Variants in CLIP1 observed in about 807,000 individuals in gnomAD.
CLIP1 encodes CAP-Gly domain-containing linker protein 1.
Under a neutral mutation model 161.6 loss-of-function variants are expected in CLIP1, and 66 were observed. The ratio of observed to expected loss-of-function variants is 0.41; its 90% CI spans 0.33 to 0.50. CLIP1 has a LOEUF of 0.50. Among genes scored for constraint, CLIP1 ranks in the 20% least tolerant of loss-of-function variants. The pLI is 0.27. For synonymous variants in CLIP1, 598 were observed against 626.2 expected (o/e 0.96, Z 0.67); for missense variants, 1,376 against 1,702.0 (o/e 0.81, Z 3.37).
At chr12:122,285,425 C>T (rs1955811050) in intron 21 of CLIP1, among the ~76,000 whole-genome samples, 1 of 152,066 alleles carries the variant, frequency 6.6e-6, no homozygotes, top group Admixed American at 6.6e-5. Flanking sequence ...CGGGGTTTCA[C>T]CTTTCACCAT....
At chr12:122,316,675 A>G in intron 19 of CLIP1, 74 bp downstream of exon 19, 1 of 906,428 alleles carries the variant, frequency 1.1e-6, no homozygotes, top group Non-Finnish European at 1.7e-6. Context: ...ATAATTTTTA[A>G]GTAATTAGCA....
At chr12:122,372,843 C>T (rs1375099315) in intron 3 of CLIP1, among the ~76,000 whole-genome samples, 3 of 152,078 alleles carry the variant, frequency 2.0e-5, no homozygotes, top group Non-Finnish European at 2.9e-5. Context: ...AACAACTTCC[C>T]CAGAGCATAA....
At chr12:122,391,131 T>C (rs1054695510) in intron 1 of CLIP1, among the ~76,000 whole-genome samples, 2 of 151,812 alleles carry the variant, frequency 1.3e-5, no homozygotes, top group African/African-American at 4.8e-5. Context: ...CTACTAAAAA[T>C]ACAAAAATTA....
At chr12:122,383,932 C>T (rs911693654) in intron 1 of CLIP1, among the ~76,000 whole-genome samples, 3 of 152,042 alleles carry the variant, frequency 2.0e-5, no homozygotes, top group Admixed American at 2.0e-4. Flanking sequence ...AGATTTGGAC[C>T]TAAAATAAGA....
At chr12:122,325,349 C>G (rs1488935852) in intron 17 of CLIP1, among the ~76,000 whole-genome samples, 1 of 152,056 alleles carries the variant, frequency 6.6e-6, no homozygotes, top group Admixed American at 6.6e-5. Flanking sequence ...TGAGCCACCA[C>G]GCCCAGCTGA....
chr12:122,417,173 T>C (rs1199347709), intron 1 of CLIP1, among the ~76,000 whole-genome samples: 1 of 152,030 alleles, frequency 6.6e-6, no homozygotes, highest in Non-Finnish European at 1.5e-5. Flanking sequence ...GGCATGTGCC[T>C]GTAATCCCAG....
intron 20 of CLIP1, among the ~76,000 whole-genome samples, chr12:122,302,339 T>C (rs1397010465): frequency 6.6e-6 from 1 of 152,060 alleles, no homozygotes; most frequent in Non-Finnish European, 1.5e-5. Flanking sequence ...TGACCTCAGG[T>C]GATTTGCCTG....
intron 1 of CLIP1, among the ~76,000 whole-genome samples, chr12:122,392,357 C>T (rs1955693892): frequency 6.6e-6 from 1 of 152,108 alleles, no homozygotes; most frequent in Non-Finnish European, 1.5e-5. Flanking sequence ...TAAAAATATG[C>T]TTTCTGTATT....
intron 17 of CLIP1, among the ~76,000 whole-genome samples, chr12:122,320,177 G>A (rs1216686058): frequency 6.6e-6 from 1 of 150,806 alleles, no homozygotes; most frequent in African/African-American, 2.4e-5. Flanking sequence ...TGGGGCAGGA[G>A]AATGGTGTGA....
chr12:122,281,862 A>G (rs572698985), intron 21 of CLIP1, among the ~76,000 whole-genome samples: 1 of 152,210 alleles, frequency 6.6e-6, no homozygotes, highest in Non-Finnish European at 1.5e-5. Flanking sequence ...ACTAAAAAAA[A>G]CCAGGATTTT....
At chr12:122,353,822 G>C (rs887937908) in intron 7 of CLIP1, among the ~76,000 whole-genome samples, 1 of 151,632 alleles carries the variant, frequency 6.6e-6, no homozygotes, top group African/African-American at 2.4e-5. Context: ...GTAGAGACGG[G>C]GTTTCACCAT....
intron 20 of CLIP1, among the ~76,000 whole-genome samples, chr12:122,299,733 G>A (rs1263799486): frequency 6.7e-6 from 1 of 150,180 alleles, no homozygotes. Flanking sequence ...TGGCTAGCAC[G>A]GTGAAACCCC....
chr12:122,278,769 A>C, intron 23 of CLIP1, 23 bp downstream of exon 23: 1 of 1,563,384 alleles, frequency 6.4e-7, no homozygotes, highest in Non-Finnish European at 8.6e-7. Flanking sequence ...TGTACAGAGA[A>C]GCACTGGGCA....
intron 3 of CLIP1, among the ~76,000 whole-genome samples, chr12:122,372,123 A>G (rs112250993): frequency 0.08 from 11,734 of 146,558 alleles, 1,458 homozygotes; most frequent in African/African-American, 0.27. Flanking sequence ...CTCTATGGGG[A>G]AAAAAAAAAA....
intron 3 of CLIP1, among the ~76,000 whole-genome samples, chr12:122,374,074 G>A (rs1368699146): frequency 1.3e-5 from 2 of 152,018 alleles, no homozygotes; most frequent in African/African-American, 2.4e-5. Context: ...TGTTGAGCTC[G>A]TGCCTGTAAT....
chr12:122,383,386 TC>T (rs1366427703), intron 1 of CLIP1, among the ~76,000 whole-genome samples: 1 of 152,196 alleles, frequency 6.6e-6, no homozygotes, highest in African/African-American at 2.4e-5. Flanking sequence ...ATCTTGCAGC[TC>T]AGTATCATAA....
intron 17 of CLIP1, among the ~76,000 whole-genome samples, chr12:122,326,057 G>C (rs1052463094): frequency 2.6e-5 from 4 of 152,216 alleles, no homozygotes; most frequent in Non-Finnish European, 5.9e-5. Flanking sequence ...GGCTTCATGG[G>C]TTCCAGGAAC....
At chr12:122,369,448 C>A (rs1008649283) in intron 3 of CLIP1, among the ~76,000 whole-genome samples, 1 of 151,816 alleles carries the variant, frequency 6.6e-6, no homozygotes, top group African/African-American at 2.4e-5. Context: ...CCCTACTTTA[C>A]TCTCTCCTTC....
At chr12:122,366,298 C>A (rs1024657285) in intron 3 of CLIP1, among the ~76,000 whole-genome samples, 1 of 125,830 alleles carries the variant, frequency 7.9e-6, no homozygotes, top group Non-Finnish European at 1.7e-5. Flanking sequence ...CAGGGAGAGA[C>A]TCTGTCTCAA....
Sources: gnomAD v4.1 joint callset for allele counts (sites outside exome capture counted in the v4.1 genomes callset) on GRCh38, gnomAD v4.1.1 for gene constraint, MANE v1.5 for transcripts, NCBI Gene and HGNC (gene_info 2026-07-23, HGNC 2026-07-21) for gene names.